The following ZNF462 variants were observed in gnomAD, a reference collection of about 807,000 sequenced individuals.
ZNF462 encodes zinc finger PBX1-interacting protein.
ZNF462 carries 10 observed loss-of-function variants against 201.9 expected under a neutral mutation model. The observed-to-expected ratio is 0.05, with a 90% CI of 0.03 to 0.08. ZNF462 has a LOEUF of 0.08. Ranked by LOEUF, ZNF462 falls within the 10% of genes least tolerant of loss-of-function variation. The pLI is 1.00. For missense variants in ZNF462, 2,523 were observed against 3,168.3 expected (o/e 0.80, Z 4.89); for synonymous variants, 1,227 against 1,193.3 (o/e 1.03, Z -0.58).
chr9:106,887,519 C>A (rs572992699), intron 1 of ZNF462, among the ~76,000 whole-genome samples: 1 of 152,260 alleles, frequency 6.6e-6, no homozygotes. Flanking sequence ...CTAGAAGGAA[C>A]CTTTGAGGTT....
chr9:106,969,506 G>A (rs61678248), intron 7 of ZNF462, among the ~76,000 whole-genome samples: 29,178 of 152,096 alleles, frequency 0.19, 3,766 homozygotes, highest in African/African-American at 0.37. Flanking sequence ...TGACAGATCA[G>A]TGCATGTGTT....
Position 107,012,711 on chromosome 9 carries a change from G to GTTTTTTTTT in ZNF462, c.*1692_*1700dup, listed in dbSNP as rs57114077. ...CACGTGTGAATCCTTTGGTTTTCAT[G>GTTTTTTTTT]TTTTTTTTTTTTTTTTTTTACTTGG... is the stretch of plus-strand genomic sequence containing the variant. On this transcript the variant is annotated 3_prime_UTR_variant, in exon 13 of 13. Transcript: ENST00000277225. 5.7e-5 allele frequency: 4 copies of GTTTTTTTTT among 70,274 alleles called. No individual in the cohort carries two copies. The highest frequency in any genetic ancestry group is 9.1e-5 in the Non-Finnish European group (3 of 33,068). 4.4% of individuals were successfully genotyped at this position (70,274 alleles called of 1,614,324 possible). A position where few individuals can be genotyped will look rare whatever the true frequency, so the allele number is the denominator to read the frequency against.
intron 1 of ZNF462, among the ~76,000 whole-genome samples, chr9:106,908,193 C>G (rs148412551): frequency 2.5e-3 from 373 of 152,064 alleles, no homozygotes; most frequent in Middle Eastern, 6.8e-3. Flanking sequence ...TTTCTATTTC[C>G]AGATATAGAA....
intron 1 of ZNF462, among the ~76,000 whole-genome samples, chr9:106,908,293 C>T (rs576109641): frequency 3.6e-4 from 55 of 152,062 alleles, no homozygotes; most frequent in African/African-American, 1.3e-3. Flanking sequence ...AGTGCTTATG[C>T]CTATTTCTTG....
rs555783046 is a variant in ZNF462 at position 106,886,277 on chromosome 9, G to A, written c.-31+22922G>A. Among the ~76,000 whole-genome samples the A allele has an allele frequency of 2.0e-5, 3 of 152,180 alleles. No individual in the cohort carries two copies. Among genetic ancestry groups the A allele is most frequent in the Non-Finnish European group, 2.9e-5 (2 of 68,032 alleles). ...CTTTAAACTTTCTCTGTCTTTTCATGACTTGGGTATGTTTATGTAGATCCA... is the reference window on the plus strand; with the variant it reads ...CTTTAAACTTTCTCTGTCTTTTCATAACTTGGGTATGTTTATGTAGATCCA... On this transcript the variant is annotated intron_variant, in intron 1 of 12. Transcript: ENST00000277225. The surrounding 1 kb of genome is among the most constrained non-coding windows in gnomAD (Gnocchi z 4.6).
chr9:106,879,332 A>AC (rs796290122), intron 1 of ZNF462, among the ~76,000 whole-genome samples: 14,360 of 70,270 alleles, frequency 0.2, 1,048 homozygotes, highest in Middle Eastern at 0.32. Context: ...GATGCTTTCC[A>AC]CCCCCCCCCC....
intron 1 of ZNF462, among the ~76,000 whole-genome samples, chr9:106,907,297 A>G (rs1438818193): frequency 6.6e-6 from 1 of 152,174 alleles, no homozygotes; most frequent in Non-Finnish European, 1.5e-5. Flanking sequence ...TTGGAAATAC[A>G]TTGGTAACAA....
At position 106,933,126 on chromosome 9, in the gene ZNF462, G is replaced by T; in HGVS notation, c.6116+577G>T. 6.4e-6 allele frequency: 1 copy of T among 156,736 alleles called. No individual in the cohort carries two copies. The highest frequency in any genetic ancestry group is 1.4e-5 in the Non-Finnish European group (1 of 70,600). 9.7% of individuals were successfully genotyped at this position (156,736 alleles called of 1,614,324 possible). On this transcript the variant is annotated intron_variant, in intron 5 of 12. Transcript: ENST00000277225. The surrounding 1 kb of genome is among the most constrained non-coding windows in gnomAD (Gnocchi z 4.3). The stretch of plus-strand genomic sequence containing the variant: ...GTGTGTAAGGCTTTTTGGGGCCATG[G>T]AAAGAGGGGTGGTTTTAAGAACAAC...
chr9:106,951,747 A>C (rs1056489872), intron 7 of ZNF462, among the ~76,000 whole-genome samples: 5 of 151,020 alleles, frequency 3.3e-5, no homozygotes, highest in Non-Finnish European at 7.4e-5. Flanking sequence ...TCCAAGTTCC[A>C]CCCCAGGCCT....
Position 107,009,584 on chromosome 9 carries a change from C to T in ZNF462, c.7229C>T (p.Thr2410Ile), listed in dbSNP as rs1829803470. The T allele has an allele frequency of 6.2e-7, 1 of 1,613,996 alleles. No individual in the cohort carries two copies. The highest frequency in any genetic ancestry group is 8.5e-7 in the Non-Finnish European group (1 of 1,179,950). The change falls in exon 12 of 13, where the codon ACT becomes ATT. Residue 2410 changes from threonine (T) to isoleucine (I), a missense_variant. Physicochemically the swap from Thr to Ile is moderately conservative, Grantham distance 89 (BLOSUM62 -1). Coordinates refer to ENST00000277225, the MANE Select transcript of ZNF462 (RefSeq NM_021224.6). This position sits in a 1 kb window ranked among gnomAD's most constrained non-coding sequence, Gnocchi z 6.1. The stretch of plus-strand genomic sequence containing the variant: ...TCTGACCACGGGGCTGCTCTTAACA[C>T]TGAGAAGCGTTTTCCATGTGAATTT... ...RFSDHGAALN[T>I]EKRFPCEFCG... is the part of the protein sequence containing the mutation.
intron 7 of ZNF462, among the ~76,000 whole-genome samples, chr9:106,952,637 G>A (rs1831402123): frequency 6.6e-6 from 1 of 152,126 alleles, no homozygotes; most frequent in Admixed American, 6.5e-5. Flanking sequence ...ATACTCTAAT[G>A]GGCTAGTGGA....
Position 106,902,513 on chromosome 9 carries a change from G to C in ZNF462, c.-30-20841G>C, listed in dbSNP as rs918938089. On this transcript the variant is annotated intron_variant, in intron 1 of 12. Transcript: ENST00000277225. The surrounding 1 kb of genome is among the most constrained non-coding windows in gnomAD (Gnocchi z 4.2). ...AAAGGACTGGTACAAATTCTTTTTTGAATGTCTCGTAGAATTCTGCTGTGA... is the reference window on the plus strand; with the variant it reads ...AAAGGACTGGTACAAATTCTTTTTTCAATGTCTCGTAGAATTCTGCTGTGA... Among the ~76,000 whole-genome samples the C allele has an allele frequency of 6.6e-6, 1 of 151,868 alleles. No homozygotes were observed. The highest frequency in any genetic ancestry group is 1.9e-4 in the East Asian group (1 of 5,176).
At chr9:106,866,971 G>A (rs1319856169) in intron 1 of ZNF462, among the ~76,000 whole-genome samples, 3 of 152,120 alleles carry the variant, frequency 2.0e-5, no homozygotes, top group Non-Finnish European at 4.4e-5. Flanking sequence ...TCAGCAGGGG[G>A]GAAACATCTG....
chr9:106,992,890 G>C (rs971026548), intron 10 of ZNF462, among the ~76,000 whole-genome samples: 2 of 151,946 alleles, frequency 1.3e-5, no homozygotes, highest in African/African-American at 4.8e-5. Context: ...ACACACAGTA[G>C]GTCTTCAATA....
intron 7 of ZNF462, among the ~76,000 whole-genome samples, chr9:106,971,420 C>T (rs1826605130): frequency 6.6e-6 from 1 of 151,586 alleles, no homozygotes. Context: ...TACTTTCTTC[C>T]TACACTTTGA....
chr9:106,882,256 C>T (rs1184607091), intron 1 of ZNF462, among the ~76,000 whole-genome samples: 2 of 152,186 alleles, frequency 1.3e-5, no homozygotes, highest in African/African-American at 4.8e-5. Context: ...TCACTAGTGC[C>T]TTGAGCAATG....
At chr9:106,899,250 G>A (rs1247860969) in intron 1 of ZNF462, among the ~76,000 whole-genome samples, 1 of 134,984 alleles carries the variant, frequency 7.4e-6, no homozygotes, top group African/African-American at 2.8e-5. Flanking sequence ...GGGGGGGGGG[G>A]GGTGTGTGCA....
chr9:106,951,246 A>G (rs1831332567), intron 7 of ZNF462, among the ~76,000 whole-genome samples: 1 of 152,176 alleles, frequency 6.6e-6, no homozygotes, highest in Non-Finnish European at 1.5e-5. Flanking sequence ...AGTACTTTTC[A>G]CTGTACTTCT....
intron 5 of ZNF462, among the ~76,000 whole-genome samples, chr9:106,934,686 C>T (rs1038821160): frequency 5.9e-5 from 9 of 152,226 alleles, no homozygotes; most frequent in South Asian, 2.1e-4. Context: ...TAAGCAGTAC[C>T]GTTCCCACAT....
Sources: gnomAD v4.1 joint callset for allele counts (sites outside exome capture counted in the v4.1 genomes callset) on GRCh38, gnomAD v4.1.1 for gene constraint, Gnocchi (gnomAD v3.1) non-coding constraint, MANE v1.5 for transcripts, NCBI Gene and HGNC (gene_info 2026-07-23, HGNC 2026-07-21) for gene names.